Variants in USP3 observed in about 807,000 individuals in gnomAD.
The protein encoded by USP3 is ubiquitin carboxyl-terminal hydrolase 3.
USP3 carries 20 observed loss-of-function variants against 72.3 expected under a neutral mutation model. The ratio of observed to expected loss-of-function variants is 0.28; its 90% confidence interval spans 0.19 to 0.40. The LOEUF is 0.40. Ranked by LOEUF, USP3 falls within the 10% of genes least tolerant of loss-of-function variation. USP3 has a pLI of 1.00. For synonymous variants in USP3, 222 were observed against 225.3 expected, an observed-to-expected ratio of 0.99 and a Z score of 0.13; for missense variants, 479 against 633.9, an observed-to-expected ratio of 0.76 and a Z score of 2.62.
chr15:63,581,183 C>G (rs2066951751), intron 11 of USP3, among the ~76,000 whole-genome samples: 1 of 152,086 alleles, frequency 6.6e-6, no homozygotes, highest in African/African-American at 2.4e-5. Context: ...CATGCTGCTG[C>G]AAAATATTAA....
intron 5 of USP3, 67 bp downstream of exon 5, chr15:63,556,815 C>CT: frequency 9.0e-7 from 1 of 1,114,398 alleles, no homozygotes; most frequent in East Asian, 2.6e-5. Flanking sequence ...TGTTACAACT[C>CT]TAACATGTAA....
chr15:63,542,945 T>G (rs2066266801), intron 3 of USP3, among the ~76,000 whole-genome samples: 1 of 152,172 alleles, frequency 6.6e-6, no homozygotes, highest in South Asian at 2.1e-4. Flanking sequence ...ATAGAATAGC[T>G]GGAAAGCCCA....
chr15:63,510,588 G>A (rs1443130917), intron 1 of USP3, among the ~76,000 whole-genome samples: 4 of 152,146 alleles, frequency 2.6e-5, no homozygotes, highest in Non-Finnish European at 5.9e-5. Context: ...TTAGACAGGA[G>A]AGCAATTGCA....
intron 11 of USP3, among the ~76,000 whole-genome samples, chr15:63,579,535 C>T (rs2066918670): frequency 6.6e-6 from 1 of 152,118 alleles, no homozygotes; most frequent in South Asian, 2.1e-4. Context: ...TAATTTCCTC[C>T]CTGCCTCATA....
chr15:63,559,795 C>A (rs2152672715), intron 6 of USP3, 62 bp from the exon 7 acceptor site: 1 of 1,435,062 alleles, frequency 7.0e-7, no homozygotes, highest in Non-Finnish European at 9.4e-7. Context: ...TAGGCTTCAT[C>A]AACTTTCTTT....
chr15:63,531,877 A>G (rs895773313), intron 1 of USP3, among the ~76,000 whole-genome samples: 5 of 152,172 alleles, frequency 3.3e-5, no homozygotes, highest in African/African-American at 1.2e-4. Flanking sequence ...TGTTCTTTGT[A>G]CTTCCTTCCC....
intron 1 of USP3, among the ~76,000 whole-genome samples, chr15:63,516,415 G>A (rs1338651338): frequency 6.6e-6 from 1 of 151,850 alleles, no homozygotes; most frequent in Admixed American, 6.6e-5. Flanking sequence ...TGTTTTTCTT[G>A]GTTTATTTCA....
chr15:63,580,701 T>TTAG (rs1246601688), intron 11 of USP3, among the ~76,000 whole-genome samples: 1 of 131,234 alleles, frequency 7.6e-6, no homozygotes, highest in African/African-American at 3.1e-5. Context: ...TATATACTTA[T>TTAG]TTTAATATTT....
intron 8 of USP3, among the ~76,000 whole-genome samples, chr15:63,564,891 A>G (rs1410280914): frequency 6.6e-6 from 1 of 152,228 alleles, no homozygotes; most frequent in Non-Finnish European, 1.5e-5. Flanking sequence ...TATCATGGAT[A>G]AAGCTTTAGT....
intron 1 of USP3, among the ~76,000 whole-genome samples, chr15:63,519,108 A>T (rs2065886729): frequency 6.6e-6 from 1 of 152,104 alleles, no homozygotes; most frequent in East Asian, 1.9e-4. Context: ...TCAAATCAGG[A>T]CAGTTGATAC....
Position 63,570,678 on chromosome 15 carries a change from TG to T in USP3, c.908+101del, listed in dbSNP as rs2066765809. On this transcript the variant is annotated intron_variant, in intron 9 of 14. Coordinates refer to ENST00000380324, the MANE Select transcript of USP3 (RefSeq NM_006537.4). This position sits in a 1 kb window ranked among gnomAD's most constrained non-coding sequence, Gnocchi z 4.4. Reference sequence around the variant, plus strand: ...TATAACGGAAGGTAGAGGGGTTTCTTGGACATTTGCTGGAACTTTTCGTGCC... The same window carrying T: ...TATAACGGAAGGTAGAGGGGTTTCTTGACATTTGCTGGAACTTTTCGTGCC... 6.6e-7 allele frequency: 1 copy of T among 1,505,420 alleles called. No homozygotes were observed. Among genetic ancestry groups the T allele is most frequent in the Non-Finnish European group, 8.9e-7 (1 of 1,127,064 alleles). 93.3% of individuals were successfully genotyped at this position (1,505,420 alleles called of 1,614,324 possible). A position where few individuals can be genotyped will look rare whatever the true frequency, so the allele number is the denominator to read the frequency against.
intron 5 of USP3, 113 bp from the exon 6 acceptor site, chr15:63,557,993 C>A: frequency 1.0e-6 from 1 of 965,762 alleles, no homozygotes; most frequent in Non-Finnish European, 1.6e-6. Flanking sequence ...AGAAAAGGAC[C>A]AATTCCAAAT....
intron 3 of USP3, among the ~76,000 whole-genome samples, chr15:63,546,107 CT>C (rs1567107437): frequency 6.6e-6 from 1 of 151,174 alleles, no homozygotes; most frequent in African/African-American, 2.4e-5. Flanking sequence ...TAGTTCCTGA[CT>C]TCTGTTTATT....
chr15:63,577,057 G>A (rs1163436316), intron 11 of USP3, among the ~76,000 whole-genome samples: 1 of 152,158 alleles, frequency 6.6e-6, no homozygotes, highest in African/African-American at 2.4e-5. Flanking sequence ...AAGTGATGGT[G>A]AGAAAGACCC....
intron 8 of USP3, among the ~76,000 whole-genome samples, chr15:63,567,931 T>C (rs2066717036): frequency 6.6e-6 from 1 of 152,226 alleles, no homozygotes; most frequent in African/African-American, 2.4e-5. Context: ...TTCAAGACCT[T>C]CTAGGCTTTC....
intron 7 of USP3, among the ~76,000 whole-genome samples, chr15:63,560,795 A>G (rs1450254219): frequency 6.6e-6 from 1 of 152,092 alleles, no homozygotes; most frequent in South Asian, 2.1e-4. Flanking sequence ...CATTATGACA[A>G]TTGTAGTGAG....
chr15:63,562,998 C>T lies in USP3; in HGVS notation c.751C>T (p.Pro251Ser). 6.2e-7 allele frequency: 1 copy of T among 1,607,870 alleles called. No individual in the cohort carries two copies. ...SLFYVVWKIM[P>S]NFRGYQQQDA... ...ATTTTATGTTGTTTGGAAGATTATG[C>T]CAAACTTTAGGTAAGTATTATATGA... is the stretch of plus-strand genomic sequence containing the variant. Residue 251 changes from proline (P) to serine (S), a missense_variant, in exon 8 of 15, where the codon CCA becomes TCA. Coordinates refer to ENST00000380324, the MANE Select transcript of USP3 (RefSeq NM_006537.4).
chr15:63,558,120 C>T lies in USP3; in HGVS notation c.465C>T (p.Ala155=), dbSNP rs1329451533. The part of the protein sequence containing the change: ...KLLKVNGSTT[A]ICATGLRNLG... ...ACCACTTACAGGGAAGCACCACTGC[C>T]ATTTGTGCCACAGGCCTTCGGAATT... The change falls in exon 6 of 15, where the codon GCC becomes GCT. Residue 155 remains alanine, a synonymous_variant. Transcript: ENST00000380324. 7 of 1,614,138 alleles carry T rather than the reference C, an allele frequency of 4.3e-6. No homozygotes were observed. The highest frequency in any genetic ancestry group is 5.9e-6 in the Non-Finnish European group (7 of 1,180,020).
At position 63,529,177 on chromosome 15, in the gene USP3, G is replaced by GT. The variant is rs2152657154; in HGVS notation, c.92-3470_92-3469insT. The GT allele has an allele frequency of 4.7e-6, 3 of 644,914 alleles. No individual in the cohort carries two copies. Among genetic ancestry groups the GT allele is most frequent in the Admixed American group, 2.7e-5 (1 of 37,580 alleles). 39.9% of individuals were successfully genotyped at this position (644,914 alleles called of 1,614,324 possible). On this transcript the variant is annotated intron_variant, in intron 1 of 14. Coordinates refer to ENST00000380324, the MANE Select transcript of USP3 (RefSeq NM_006537.4). The surrounding 1 kb of genome is among the most constrained non-coding windows in gnomAD (Gnocchi z 4.2). ...CACCACACTTGGCAGGTAGTAAAGT[G>GT]GTTTTTTTTTTTTTCTTTTTTTTGA...
Sources: gnomAD v4.1 joint callset for allele counts (sites outside exome capture counted in the v4.1 genomes callset) on GRCh38, gnomAD v4.1.1 for gene constraint, Gnocchi (gnomAD v3.1) non-coding constraint, MANE v1.5 for transcripts, NCBI Gene and HGNC (gene_info 2026-07-23, HGNC 2026-07-21) for gene names.